UGT8: variants seen among roughly 807,000 people sequenced by gnomAD.
UGT8 encodes UDP glycosyltransferase 8.
In UGT8, 12 loss-of-function variants were observed where a neutral mutation model predicts 40.5. The observed-to-expected ratio is 0.30, with a 90% CI of 0.19 to 0.48. The LOEUF (loss-of-function observed/expected upper bound fraction) is 0.48. UGT8 is among the 20% of genes least tolerant of loss of function. UGT8 has a pLI of 0.99. For synonymous variants in UGT8, 224 were observed against 240.4 expected, an observed-to-expected ratio of 0.93 and a Z score of 0.63; for missense variants, 513 against 648.7, an observed-to-expected ratio of 0.79 and a Z score of 2.27.
intron 2 of UGT8, among the ~76,000 whole-genome samples, chr4:114,650,899 T>G (rs543980089): frequency 7.0e-6 from 1 of 142,452 alleles, no homozygotes; most frequent in Non-Finnish European, 1.6e-5. Flanking sequence ...CTGCAACACC[T>G]TTTTTTTTTC....
chr4:114,612,971 T>C (rs1451041031), intron 1 of UGT8, among the ~76,000 whole-genome samples: 1 of 152,210 alleles, frequency 6.6e-6, no homozygotes, highest in Non-Finnish European at 1.5e-5. Context: ...ATCAATCTCA[T>C]TAAACCTATT....
At chr4:114,673,194 A>C (rs1735409831) in intron 5 of UGT8, among the ~76,000 whole-genome samples, 1 of 152,068 alleles carries the variant, frequency 6.6e-6, no homozygotes, top group South Asian at 2.1e-4. Context: ...TTTTTTTGCA[A>C]TATTCATATT....
intron 2 of UGT8, among the ~76,000 whole-genome samples, chr4:114,632,168 G>A (rs1223169885): frequency 6.6e-6 from 1 of 152,222 alleles, no homozygotes; most frequent in Non-Finnish European, 1.5e-5. Context: ...TCTAGGAGAA[G>A]ATTCAAGAAT....
At chr4:114,653,051 T>A (rs949693216) in intron 2 of UGT8, among the ~76,000 whole-genome samples, 2 of 152,008 alleles carry the variant, frequency 1.3e-5, no homozygotes, top group Non-Finnish European at 2.9e-5. Flanking sequence ...CCCATACCGT[T>A]CTGGATCGTT....
At chr4:114,666,542 TA>T (rs1297743393) in intron 4 of UGT8, among the ~76,000 whole-genome samples, 1 of 152,108 alleles carries the variant, frequency 6.6e-6, no homozygotes, top group Non-Finnish European at 1.5e-5. Flanking sequence ...TTGATCCTTG[TA>T]TTTTTTTATT....
intron 2 of UGT8, among the ~76,000 whole-genome samples, chr4:114,626,608 A>G (rs1304294238): frequency 6.6e-6 from 1 of 152,218 alleles, no homozygotes; most frequent in Non-Finnish European, 1.5e-5. Flanking sequence ...AGTAGGTAGA[A>G]TAGAGATAGG....
intron 2 of UGT8, among the ~76,000 whole-genome samples, chr4:114,642,873 A>T (rs1201769560): frequency 6.6e-6 from 1 of 152,088 alleles, no homozygotes; most frequent in Non-Finnish European, 1.5e-5. Context: ...TTATTTTGTG[A>T]ATTATTATCT....
At chr4:114,604,875 T>A (rs1291971905) in intron 1 of UGT8, among the ~76,000 whole-genome samples, 2 of 152,204 alleles carry the variant, frequency 1.3e-5, no homozygotes, top group African/African-American at 4.8e-5. Flanking sequence ...TACTTTTCGT[T>A]TTCAGCACTT....
At chr4:114,604,922 T>C (rs904475384) in intron 1 of UGT8, among the ~76,000 whole-genome samples, 17 of 152,186 alleles carry the variant, frequency 1.1e-4, no homozygotes, top group Admixed American at 3.3e-4. Flanking sequence ...CTTTTTTTTT[T>C]CCCACTGTGC....
chr4:114,612,821 T>C (rs192767906), intron 1 of UGT8, among the ~76,000 whole-genome samples: 73 of 152,286 alleles, frequency 4.8e-4, no homozygotes, highest in Non-Finnish European at 8.5e-4. Flanking sequence ...TACATTTTAA[T>C]AGTGTCCCTA....
At chr4:114,672,396 T>C (rs1735348354) in intron 5 of UGT8, among the ~76,000 whole-genome samples, 1 of 152,092 alleles carries the variant, frequency 6.6e-6, no homozygotes, top group Non-Finnish European at 1.5e-5. Flanking sequence ...ACAATTATAA[T>C]AGCAAACACA....
chr4:114,641,482 A>G (rs183033836), intron 2 of UGT8, among the ~76,000 whole-genome samples: 170 of 152,310 alleles, frequency 1.1e-3, no homozygotes, highest in African/African-American at 3.9e-3. Context: ...AGACCTAGAA[A>G]ATTTTCATAA....
chr4:114,630,630 A>G (rs186135685), intron 2 of UGT8, among the ~76,000 whole-genome samples: 1 of 149,554 alleles, frequency 6.7e-6, no homozygotes, highest in East Asian at 1.9e-4. Context: ...TTCTGTTTCC[A>G]TCTTGGGGAT....
chr4:114,602,451 A>G (rs1315695522), intron 1 of UGT8, among the ~76,000 whole-genome samples: 4 of 152,246 alleles, frequency 2.6e-5, no homozygotes, highest in Admixed American at 2.0e-4. Context: ...TCAAATACAT[A>G]TGATTAAAAT....
intron 1 of UGT8, among the ~76,000 whole-genome samples, chr4:114,621,751 GT>G (rs1189743028): frequency 6.6e-6 from 1 of 152,064 alleles, no homozygotes; most frequent in Non-Finnish European, 1.5e-5. Flanking sequence ...TATTTCAAAT[GT>G]TTGAAAATAG....
intron 5 of UGT8, among the ~76,000 whole-genome samples, chr4:114,669,721 G>A (rs1276211707): frequency 6.6e-6 from 1 of 152,136 alleles, no homozygotes; most frequent in African/African-American, 2.4e-5. Context: ...TTAATTTAAG[G>A]ATTATTCAAT....
intron 2 of UGT8, among the ~76,000 whole-genome samples, chr4:114,658,912 C>A: frequency 6.6e-6 from 1 of 152,124 alleles, no homozygotes; most frequent in Middle Eastern, 3.4e-3. Context: ...AGTTGCTCCC[C>A]GAGTCTGACT....
chr4:114,603,844 A>G (rs1730580666), intron 1 of UGT8, among the ~76,000 whole-genome samples: 1 of 152,252 alleles, frequency 6.6e-6, no homozygotes, highest in Non-Finnish European at 1.5e-5. Context: ...TATGGAAACC[A>G]GGACTTGGAT....
chr4:114,667,530 C>A (rs1172811820), intron 4 of UGT8, among the ~76,000 whole-genome samples: 1 of 152,128 alleles, frequency 6.6e-6, no homozygotes, highest in African/African-American at 2.4e-5. Flanking sequence ...TGTTTGAGCA[C>A]ATAAATGTAA....
Sources: gnomAD v4.1 joint callset for allele counts (sites outside exome capture counted in the v4.1 genomes callset) on GRCh38, gnomAD v4.1.1 for gene constraint, MANE v1.5 for transcripts, NCBI Gene and HGNC (gene_info 2026-07-23, HGNC 2026-07-21) for gene names.